Variants in POMT2 observed in about 807,000 individuals in gnomAD.
The protein encoded by POMT2 is protein O-mannosyl-transferase 2.
POMT2 carries 75 observed loss-of-function variants against 100.0 expected under a neutral mutation model. The ratio of observed to expected loss-of-function variants is 0.75; its 90% CI spans 0.62 to 0.91. The LOEUF is 0.91. Among genes scored for constraint, POMT2 ranks in the 40% least tolerant of loss-of-function variants. The pLI, the probability that POMT2 is intolerant of heterozygous loss-of-function variation, is 0.00. For missense variants in POMT2, 940 were observed against 955.1 expected, an observed-to-expected ratio of 0.98 and a Z score of 0.21; for synonymous variants, 378 against 374.1, an observed-to-expected ratio of 1.01 and a Z score of -0.12.
At chr14:77,281,294 C>T (rs1890225638) in intron 15 of POMT2, among the ~76,000 whole-genome samples, 1 of 152,032 alleles carries the variant, frequency 6.6e-6, no homozygotes, top group African/African-American at 2.4e-5. Flanking sequence ...CCTTTGTAGA[C>T]AAGTTTCTCC....
intron 12 of POMT2, among the ~76,000 whole-genome samples, chr14:77,286,407 T>C (rs978151435): frequency 1.3e-5 from 2 of 152,238 alleles, no homozygotes; most frequent in African/African-American, 2.4e-5. Flanking sequence ...ACATACATGT[T>C]GTTCATCTGG....
At chr14:77,291,702 C>T (rs1388190172) in intron 9 of POMT2, among the ~76,000 whole-genome samples, 2 of 152,130 alleles carry the variant, frequency 1.3e-5, no homozygotes, top group African/African-American at 2.4e-5. Context: ...ATAACTGACT[C>T]CAACACAAAA....
chr14:77,296,041 T>C (rs1413206084), intron 9 of POMT2, 123 bp downstream of exon 9: 7 of 825,368 alleles, frequency 8.5e-6, no homozygotes, highest in Non-Finnish European at 1.4e-5. Context: ...AACAGAAGGG[T>C]GCAGGGCTAG....
Position 77,278,714 on chromosome 14 carries a change from G to C in POMT2, c.2032+15C>G. The C allele has an allele frequency of 6.2e-7, 1 of 1,613,798 alleles. No individual in the cohort carries two copies. The highest frequency in any genetic ancestry group is 8.5e-7 in the Non-Finnish European group (1 of 1,179,930). ...CACCTGCTCTGTCTCCCAAGTCCAG[G>C]TGGGTGGCACTGACCTGTCAACATG... On this transcript the variant is annotated intron_variant, in intron 19 of 20. Transcript: ENST00000261534.
chr14:77,301,891 C>T (rs1566656641), intron 5 of POMT2, among the ~76,000 whole-genome samples: 1 of 152,130 alleles, frequency 6.6e-6, no homozygotes, highest in African/African-American at 2.4e-5. Context: ...TAGTACTCTA[C>T]ACTATGATTC....
chr14:77,307,988 C>CATAG (rs1025483272), intron 2 of POMT2, among the ~76,000 whole-genome samples: 2 of 151,200 alleles, frequency 1.3e-5, no homozygotes, highest in African/African-American at 4.9e-5. Flanking sequence ...CAGCCTCCCG[C>CATAG]ATAGCTGGGA....
At chr14:77,313,402 A>G (rs1594805998) in intron 1 of POMT2, among the ~76,000 whole-genome samples, 1 of 152,222 alleles carries the variant, frequency 6.6e-6, no homozygotes, top group East Asian at 1.9e-4. Context: ...GATTTGCAGA[A>G]AGAGAGATCC....
chr14:77,309,557 G>A (rs1363709378), intron 2 of POMT2, among the ~76,000 whole-genome samples: 1 of 152,172 alleles, frequency 6.6e-6, no homozygotes, highest in African/African-American at 2.4e-5. Context: ...GAACCATCAG[G>A]AGCTAAATTA....
intron 12 of POMT2, 40 bp from the exon 13 acceptor site, chr14:77,285,672 G>T: frequency 6.3e-7 from 1 of 1,590,348 alleles, no homozygotes. Context: ...AGAAAGTGAG[G>T]GGACTTTAGA....
chr14:77,319,548 G>A (rs1430586626), intron 1 of POMT2: 1 of 152,226 alleles, frequency 6.6e-6, no homozygotes, highest in Non-Finnish European at 1.5e-5. Flanking sequence ...TTTGAGAGAA[G>A]AGGCAGTGTC....
At chr14:77,304,660 C>G in intron 4 of POMT2, 32 bp downstream of exon 4, 1 of 1,559,042 alleles carries the variant, frequency 6.4e-7, no homozygotes, top group Non-Finnish European at 8.7e-7. Context: ...AGCCCATTTC[C>G]CAAAAGCCAT....
intron 15 of POMT2, among the ~76,000 whole-genome samples, chr14:77,281,171 G>A (rs897630671): frequency 1.3e-5 from 2 of 151,750 alleles, no homozygotes; most frequent in African/African-American, 4.8e-5. Flanking sequence ...CCCTTCAGGG[G>A]CCAATTTCAA....
At chr14:77,300,242 A>C (rs1348319158) in intron 6 of POMT2, 1 of 158,156 alleles carries the variant, frequency 6.3e-6, no homozygotes, top group Non-Finnish European at 1.4e-5. Flanking sequence ...GCACCACAGC[A>C]GAGTGATGGC....
At chr14:77,278,315 A>G (rs1890055147) in intron 20 of POMT2, 79 bp downstream of exon 20, 2 of 1,184,076 alleles carry the variant, frequency 1.7e-6, no homozygotes, top group South Asian at 1.3e-5. Flanking sequence ...AAAGCACCGC[A>G]GGGGATTCTC....
At chr14:77,286,927 T>C in intron 11 of POMT2, 105 bp from the exon 12 acceptor site, 1 of 1,571,418 alleles carries the variant, frequency 6.4e-7, no homozygotes, top group Non-Finnish European at 8.7e-7. Context: ...ATAAGAAAAA[T>C]TAGAATCTGA....
At position 77,277,268 on chromosome 14, in the gene POMT2, TC is replaced by T; in HGVS notation, c.*107del. ...GCTGGGTCCTGGTGAGCAGCAGAAT[TC>T]TTCGGGCTCCTTAGGCAGCTTCCTC... On this transcript the variant is annotated 3_prime_UTR_variant, in exon 21 of 21. Transcript: ENST00000261534. The T allele has an allele frequency of 2.1e-6, 2 of 942,690 alleles. No individual in the cohort carries two copies. Among genetic ancestry groups the T allele is most frequent in the Non-Finnish European group, 3.3e-6 (2 of 599,342 alleles). 58.4% of individuals were successfully genotyped at this position (942,690 alleles called of 1,614,324 possible). A position where few individuals can be genotyped will look rare whatever the true frequency, so the allele number is the denominator to read the frequency against.
In POMT2 at chr14:77,291,300, T is replaced by C. The variant is rs80099135; in HGVS notation, c.1183+14A>G. 1.1e-3 allele frequency: 1,762 copies of C among 1,609,934 alleles called. 16 individuals are homozygous for C. In the African/African-American group the frequency reaches 0.02, roughly 19 times the overall value. On this transcript the variant is annotated intron_variant, in intron 10 of 20. Transcript: ENST00000261534. ...AGTAACAGCACAAGAAGCATCAGTC[T>C]CTGACCACATTACCTGAGTTTGTGT...
At chr14:77,292,552 A>G (rs1405080487) in intron 9 of POMT2, among the ~76,000 whole-genome samples, 4 of 152,238 alleles carry the variant, frequency 2.6e-5, no homozygotes, top group Non-Finnish European at 5.9e-5. Context: ...TATACGTCCA[A>G]TTATGCCAAT....
chr14:77,293,024 A>G (rs754554926), intron 9 of POMT2, among the ~76,000 whole-genome samples: 10 of 152,196 alleles, frequency 6.6e-5, no homozygotes, highest in Non-Finnish European at 1.3e-4. Context: ...TTAGGGGAAA[A>G]ATTATTTTGC....
Sources: gnomAD v4.1 joint callset for allele counts (sites outside exome capture counted in the v4.1 genomes callset) on GRCh38, gnomAD v4.1.1 for gene constraint, MANE v1.5 for transcripts, NCBI Gene and HGNC (gene_info 2026-07-23, HGNC 2026-07-21) for gene names.